The following ATP2B1 variants were observed in gnomAD, a reference collection of about 807,000 sequenced individuals.
The protein encoded by ATP2B1 is ATPase plasma membrane Ca2+ transporting 1, also known as plasma membrane calcium-transporting ATPase 1.
A neutral mutation model predicts 124.2 loss-of-function variants in ATP2B1; 14 were observed. The ratio of observed to expected loss-of-function variants is 0.11; its 90% CI spans 0.07 to 0.18. The LOEUF (loss-of-function observed/expected upper bound fraction) is 0.18. Among genes scored for constraint, ATP2B1 ranks in the 10% least tolerant of loss-of-function variants. The pLI, the probability that ATP2B1 is intolerant of heterozygous loss-of-function variation, is 1.00. For synonymous variants in ATP2B1, 449 were observed against 492.4 expected (o/e 0.91, Z 1.17); for missense variants, 763 against 1,466.1 (o/e 0.52, Z 7.83).
intron 1 of ATP2B1, among the ~76,000 whole-genome samples, chr12:89,692,436 C>T (rs908047129): frequency 1.3e-5 from 2 of 152,284 alleles, no homozygotes; most frequent in Admixed American, 1.3e-4. Context: ...CATGGGTTTT[C>T]TCCAGGTATT....
chr12:89,649,863 T>C (rs1329249029), intron 2 of ATP2B1, among the ~76,000 whole-genome samples: 2 of 152,174 alleles, frequency 1.3e-5, no homozygotes, highest in Admixed American at 6.5e-5. Flanking sequence ...GATAAGTGAG[T>C]TCTTGCTCAG....
At chr12:89,709,281 G>C (rs1467462295), upstream of ATP2B1, 5 of 152,194 alleles carry the variant, frequency 3.3e-5, no homozygotes, top group African/African-American at 7.2e-5. Context: ...CGCTGGCGGC[G>C]CAGCTGCTCC....
chr12:89,663,517 T>G (rs1226450251), intron 1 of ATP2B1, among the ~76,000 whole-genome samples: 1 of 140 alleles, frequency 7.1e-3, no homozygotes, highest in South Asian at 0.17. Flanking sequence ...GGTAATAAAG[T>G]TGGCAAGGTC....
chr12:89,699,232 T>C (rs539602415), intron 1 of ATP2B1, among the ~76,000 whole-genome samples: 3 of 152,326 alleles, frequency 2.0e-5, no homozygotes, highest in South Asian at 2.1e-4. Flanking sequence ...GTTTCTCTTC[T>C]CCCTTGTGGA....
intron 20 of ATP2B1, among the ~76,000 whole-genome samples, chr12:89,596,138 T>A (rs980493569): frequency 1.3e-5 from 2 of 152,028 alleles, no homozygotes; most frequent in Non-Finnish European, 2.9e-5. Flanking sequence ...GACTGAGAAA[T>A]ATAATAAGTA....
At chr12:89,613,972 C>T (rs1477135267) in intron 12 of ATP2B1, among the ~76,000 whole-genome samples, 3 of 152,138 alleles carry the variant, frequency 2.0e-5, no homozygotes, top group Admixed American at 1.3e-4. Context: ...CATATTACAT[C>T]GTCTCAATTT....
chr12:89,641,678 G>A (rs567389149), intron 3 of ATP2B1: 2 of 153,272 alleles, frequency 1.3e-5, no homozygotes, highest in East Asian at 1.9e-4. Context: ...TAATGGCAAG[G>A]ACATTTTCCA....
At chr12:89,612,692 T>C (rs1878238518) in intron 12 of ATP2B1, among the ~76,000 whole-genome samples, 1 of 152,210 alleles carries the variant, frequency 6.6e-6, no homozygotes, top group Non-Finnish European at 1.5e-5. Context: ...ATCTAACTTA[T>C]CTGGAGCTTT....
At chr12:89,625,277 AC>A (rs982447141) in intron 8 of ATP2B1, among the ~76,000 whole-genome samples, 41 of 143,390 alleles carry the variant, frequency 2.9e-4, no homozygotes, top group Non-Finnish European at 5.1e-4. Flanking sequence ...CACCCTCAAC[AC>A]CCCCCGCCCC....
intron 1 of ATP2B1, among the ~76,000 whole-genome samples, chr12:89,681,119 G>A (rs139980190): frequency 3.9e-5 from 6 of 152,070 alleles, no homozygotes; most frequent in South Asian, 2.1e-4. Flanking sequence ...ATAGTTAATC[G>A]TAGGACTAAA....
At chr12:89,634,278 C>T (rs1484191983) in intron 5 of ATP2B1, among the ~76,000 whole-genome samples, 1 of 152,120 alleles carries the variant, frequency 6.6e-6, no homozygotes, top group Non-Finnish European at 1.5e-5. Context: ...TAGTTTATAT[C>T]TCAAACTCAT....
chr12:89,674,771 G>A (rs1888413560), intron 1 of ATP2B1, among the ~76,000 whole-genome samples: 1 of 152,168 alleles, frequency 6.6e-6, no homozygotes, highest in African/African-American at 2.4e-5. Flanking sequence ...CCCAGTCAGT[G>A]TGGTTTGCTC....
At chr12:89,652,097 A>G (rs1177851436) in intron 2 of ATP2B1, among the ~76,000 whole-genome samples, 2 of 152,184 alleles carry the variant, frequency 1.3e-5, no homozygotes, top group East Asian at 1.9e-4. Flanking sequence ...TGTATCGCCA[A>G]CACACTACTA....
At chr12:89,670,743 C>A (rs1171997653) in intron 1 of ATP2B1, among the ~76,000 whole-genome samples, 2 of 151,686 alleles carry the variant, frequency 1.3e-5, no homozygotes, top group African/African-American at 2.4e-5. Context: ...GCTTAACAAT[C>A]AAAAAAATTA....
chr12:89,600,317 T>C (rs1342575876), intron 19 of ATP2B1, among the ~76,000 whole-genome samples: 7 of 152,322 alleles, frequency 4.6e-5, no homozygotes, highest in Admixed American at 4.6e-4. Flanking sequence ...TATGCCATAA[T>C]ATATATTAAC....
Position 89,603,346 on chromosome 12 carries a change from T to G in ATP2B1, c.2849-92A>C. On this transcript the variant is annotated intron_variant, in intron 17 of 20. Transcript: ENST00000428670. The surrounding 1 kb of genome is among the most constrained non-coding windows in gnomAD (Gnocchi z 4.3). ...ATTACAACTTAGCTAGACCTTTTAT[T>G]TGATCTGAAATGGCAGCATGGAAGG... The G allele has an allele frequency of 3.7e-6, 4 of 1,069,798 alleles. No homozygotes were observed. The South Asian group carries it at 6.8e-5, about 18-fold the overall frequency. The allele number at this position is 1,069,798 out of a possible 1,614,324, so 66.3% of individuals were successfully genotyped here. A position where few individuals can be genotyped will look rare whatever the true frequency, so the allele number is the denominator to read the frequency against.
At chr12:89,696,101 A>G (rs1016913130) in intron 1 of ATP2B1, among the ~76,000 whole-genome samples, 4 of 152,242 alleles carry the variant, frequency 2.6e-5, no homozygotes, top group African/African-American at 9.6e-5. Flanking sequence ...TCCTGCTCCC[A>G]AACTGAACAT....
At chr12:89,701,970 G>T (rs755066047) in intron 1 of ATP2B1, among the ~76,000 whole-genome samples, 1 of 152,166 alleles carries the variant, frequency 6.6e-6, no homozygotes, top group African/African-American at 2.4e-5. Flanking sequence ...ATGCAACACA[G>T]CTCTCAACTC....
chr12:89,598,267 T>C (rs1875082480), intron 20 of ATP2B1, among the ~76,000 whole-genome samples: 1 of 152,128 alleles, frequency 6.6e-6, no homozygotes. Context: ...TATAAACATG[T>C]TTAAAGGCAT....
Sources: gnomAD v4.1 joint callset for allele counts (sites outside exome capture counted in the v4.1 genomes callset) on GRCh38, gnomAD v4.1.1 for gene constraint, Gnocchi (gnomAD v3.1) non-coding constraint, MANE v1.5 for transcripts, NCBI Gene and HGNC (gene_info 2026-07-23, HGNC 2026-07-21) for gene names.